LRRC45: variants seen among roughly 807,000 people sequenced by gnomAD.
The protein encoded by LRRC45 is leucine-rich repeat-containing protein 45.
Under a neutral mutation model 85.4 loss-of-function variants are expected in LRRC45, and 73 were observed. That is an observed-to-expected ratio of 0.85 (90% CI 0.71 to 1.04). LRRC45 has a LOEUF of 1.04. Ranked by LOEUF, LRRC45 falls within the 50% of genes least tolerant of loss-of-function variation. The pLI is 0.00. For missense variants in LRRC45, 937 were observed against 883.3 expected, an observed-to-expected ratio of 1.06 and a Z score of -0.77; for synonymous variants, 429 against 386.0, an observed-to-expected ratio of 1.11 and a Z score of -1.31.
Position 82,030,722 on chromosome 17 carries a change from GC to G in LRRC45, c.1933del (p.Gln645ArgfsTer19). ...GATCGCCCGCATCCGGGACGAGGAG[GC>G]CCAGAGGGCGAGCTTCCTGCAGAAC... ...AEIARIRDEE[A>X]QRASFLQNAV... On this transcript the variant is annotated frameshift_variant, in exon 17 of 17. Coordinates refer to ENST00000306688, the MANE Select transcript of LRRC45 (RefSeq NM_144999.4). LOFTEE classifies it high-confidence loss of function. 6.7e-7 allele frequency: 1 copy of G among 1,499,850 alleles called. No individual in the cohort carries two copies. Among genetic ancestry groups the G allele is most frequent in the Non-Finnish European group, 9.0e-7 (1 of 1,114,896 alleles). The allele number at this position is 1,499,850 out of a possible 1,614,324, so 92.9% of individuals were successfully genotyped here.
rs761573936 is a variant in LRRC45, at chr17:82,029,166, C to T, written c.1382C>T (p.Ala461Val). 1.4e-5 allele frequency: 23 copies of T among 1,611,122 alleles called. 1 individual carries two copies. The highest frequency in any genetic ancestry group is 3.5e-4 in the Middle Eastern group (2 of 5,728). Residue 461 changes from alanine to valine, a missense_variant, in exon 13 of 17, where the codon GCG becomes GTG. Physicochemically the swap from Ala to Val is moderately conservative, Grantham distance 64 (BLOSUM62 0). Transcript: ENST00000306688. ...GAGCGGGTGCAGAGGCTGGAGGCGG[C>T]GCGGCTGTCCCTGGAGGAGGTGAGT... ...MQERVQRLEA[A>V]RLSLEEELSR... is the part of the protein sequence containing the mutation.
chr17:82,026,969 C>T lies in LRRC45; in HGVS notation c.732C>T (p.Leu244=), dbSNP rs753981914. Residue 244 remains leucine, a synonymous_variant, in exon 6 of 17, where the codon CTC becomes CTT. Transcript: ENST00000306688. The stretch of plus-strand genomic sequence containing the variant: ...AGAACCAAGCCCGCACTCACGTCCT[C>T]AGCAAGGAGGTCCAGCACCTCCGGG... ...FQENQARTHV[L]SKEVQHLREE... 6.2e-7 allele frequency: 1 copy of T among 1,607,486 alleles called. No homozygotes were observed. Among genetic ancestry groups the T allele is most frequent in the Non-Finnish European group, 8.5e-7 (1 of 1,178,648 alleles).
chr17:82,030,701 G>T lies in LRRC45; in HGVS notation c.1909G>T (p.Ala637Ser), dbSNP rs375643032. ...GCTGCGGCTCCGGGAGGCGGAGATC[G>T]CCCGCATCCGGGACGAGGAGGCCCA... ...EKLRLREAEI[A>S]RIRDEEAQRA... The change falls in exon 17 of 17, where the codon GCC becomes TCC. Residue 637 changes from alanine to serine, a missense_variant. Coordinates refer to ENST00000306688, the MANE Select transcript of LRRC45 (RefSeq NM_144999.4). 12 of 1,495,152 alleles carry T rather than the reference G, an allele frequency of 8.0e-6. No homozygotes were observed. Among genetic ancestry groups the T allele is most frequent in the South Asian group, 1.3e-5 (1 of 76,352 alleles). 92.6% of individuals were successfully genotyped at this position (1,495,152 alleles called of 1,614,324 possible). A position where few individuals can be genotyped will look rare whatever the true frequency, so the allele number is the denominator to read the frequency against.
Position 82,025,058 on chromosome 17 carries a change from G to T in LRRC45, c.412G>T (p.Gly138Trp). The change falls in exon 4 of 17, where the codon GGG becomes TGG. Residue 138 changes from glycine (G) to tryptophan (W), a missense_variant. Physicochemically the swap from Gly to Trp is radical, Grantham distance 184. Coordinates refer to ENST00000306688, the MANE Select transcript of LRRC45 (RefSeq NM_144999.4). ...GGACGATGCCTTCGCCACCTTCTGCGGGGGCCTGGCGGCCAACGGCGCCCT... is the reference window on the plus strand; with the variant it reads ...GGACGATGCCTTCGCCACCTTCTGCTGGGGCCTGGCGGCCAACGGCGCCCT... ...TWDDAFATFC[G>W]GLAANGALQR... The T allele has an allele frequency of 6.2e-7, 1 of 1,608,872 alleles. No homozygotes were observed. The highest frequency in any genetic ancestry group is 8.5e-7 in the Non-Finnish European group (1 of 1,178,188).
chr17:82,024,358 T>C lies in LRRC45; in HGVS notation c.282+19T>C. 2 of 1,611,680 alleles carry C rather than the reference T, an allele frequency of 1.2e-6. No homozygotes were observed. The highest frequency in any genetic ancestry group is 8.5e-7 in the Non-Finnish European group (1 of 1,179,716). ...CTTAAAGGTGAGATACCTGCACTCT[T>C]GAGTGTCCGAGTGTGCCACCCAAGG... On this transcript the variant is annotated intron_variant, in intron 2 of 16. Transcript: ENST00000306688.
chr17:82,024,748 A>T lies in LRRC45; in HGVS notation c.338A>T (p.Asn113Ile), dbSNP rs2043352002. ...GCTCTGGGAAAACTCCTCCAACAGA[A>T]CAAGTCCATTCAGAGGTGGGTGGTG... ...AEALGKLLQQ[N>I]KSIQSLTLEW... The change falls in exon 3 of 17, where the codon AAC becomes ATC. Residue 113 changes from asparagine (N) to isoleucine (I), a missense_variant. Asn to Ile is a moderately radical substitution (Grantham distance 149). Transcript: ENST00000306688. The T allele has an allele frequency of 6.3e-7, 1 of 1,580,376 alleles. No individual in the cohort carries two copies. The highest frequency in any genetic ancestry group is 1.9e-5 in the Admixed American group (1 of 51,404).
At chr17:82,030,526 C>G (rs2043409636) in intron 16 of LRRC45, 60 bp downstream of exon 16, 3 of 1,512,618 alleles carry the variant, frequency 2.0e-6, no homozygotes, top group Non-Finnish European at 2.6e-6. Flanking sequence ...AGCCAGAGAG[C>G]GGGGCTGGCC....
rs774942112 is a variant in LRRC45 at position 82,030,770 on chromosome 17, G to T, written c.1978G>T (p.Ala660Ser). 6.9e-7 allele frequency: 1 copy of T among 1,439,258 alleles called. No homozygotes were observed. The highest frequency in any genetic ancestry group is 9.3e-7 in the Non-Finnish European group (1 of 1,080,064). The allele number at this position is 1,439,258 out of a possible 1,614,324, so 89.2% of individuals were successfully genotyped here. A position where few individuals can be genotyped will look rare whatever the true frequency, so the allele number is the denominator to read the frequency against. The change falls in exon 17 of 17, where the codon GCG (alanine) becomes TCG (serine). Residue 660 changes from alanine to serine, a missense_variant. By Grantham distance (99) the Ala-to-Ser change is moderately conservative (BLOSUM62 1). Transcript: ENST00000306688. The stretch of plus-strand genomic sequence containing the variant: ...GAACGCCGTCCTGGCTTACGTGCAG[G>T]CGTCCCCCGTGAGGACCCTGAGCCC... ...LQNAVLAYVQ[A>S]SPVRTLSPPK
At chr17:82,027,589 G>C (rs1299229111) in intron 7 of LRRC45, 85 bp from the exon 8 acceptor site, 18 of 1,541,464 alleles carry the variant, frequency 1.2e-5, no homozygotes, top group African/African-American at 2.7e-5. Flanking sequence ...GATGCTTAAG[G>C]AACAGCAGCA....
At position 82,023,450 on chromosome 17, in the gene LRRC45, A is replaced by C. The variant is rs1033477147; in HGVS notation, c.-194A>C. 1.2e-5 allele frequency: 7 copies of C among 571,546 alleles called. No homozygotes were observed. Among genetic ancestry groups the C allele is most frequent in the Non-Finnish European group, 2.1e-5 (7 of 329,460 alleles). 35.4% of individuals were successfully genotyped at this position (571,546 alleles called of 1,614,324 possible). On this transcript the variant is annotated 5_prime_UTR_variant, in exon 1 of 17. Coordinates refer to ENST00000306688, the MANE Select transcript of LRRC45 (RefSeq NM_144999.4). ...CCCAAGCACTGCGGGGCCCCAGCCC[A>C]AAGCGGACCTTGACTACCGCCCAGC...
Position 82,027,673 on chromosome 17 carries a change from G to A in LRRC45, c.834-1G>A. 6.2e-7 allele frequency: 1 copy of A among 1,609,702 alleles called. No individual in the cohort carries two copies. Among genetic ancestry groups the A allele is most frequent in the Non-Finnish European group, 8.5e-7 (1 of 1,178,548 alleles). ...CTCTGCACCCTCCTCTCTGCCCACA[G>A]GGCGTCGGCAGCCCGTGTAGGGCAG... On this transcript the variant is annotated splice_acceptor_variant, in intron 7 of 16. Coordinates refer to ENST00000306688, the MANE Select transcript of LRRC45 (RefSeq NM_144999.4). LOFTEE classifies it high-confidence loss of function.
Position 82,024,320 on chromosome 17 carries a change from T to C in LRRC45, c.263T>C (p.Leu88Pro). ...CGAGGCCTGTGTGCCAACACCGTGC[T>C]GCGCTTTCTGGACTTAAAGGTGAGA... The part of the protein sequence containing the change: ...LLRGLCANTV[L>P]RFLDLKGNNL... Residue 88 changes from leucine (L) to proline (P), a missense_variant, in exon 2 of 17, where the codon CTG (leucine) becomes CCG (proline). Coordinates refer to ENST00000306688, the MANE Select transcript of LRRC45 (RefSeq NM_144999.4). The C allele has an allele frequency of 1.9e-6, 3 of 1,612,456 alleles. No individual in the cohort carries two copies. Among genetic ancestry groups the C allele is most frequent in the Non-Finnish European group, 2.5e-6 (3 of 1,179,924 alleles).
rs372010624 is a variant in LRRC45, at chr17:82,029,616, G to A, written c.1475G>A (p.Ser492Asn). The change falls in exon 14 of 17, where the codon AGC (serine) becomes AAC (asparagine). Residue 492 changes from serine to asparagine, a missense_variant. Ser to Asn is a conservative substitution (Grantham distance 46). Coordinates refer to ENST00000306688, the MANE Select transcript of LRRC45 (RefSeq NM_144999.4). Reference sequence around the variant, plus strand: ...GAGGAGGAGCTGATCAAGGCCAAGAGCCAGGCCCGCCTGGAGGAGGTGAGC... The same window carrying A: ...GAGGAGGAGCTGATCAAGGCCAAGAACCAGGCCCGCCTGGAGGAGGTGAGC... Reference protein sequence around the residue: ...QAEEELIKAKSQARLEEQQRL... With the variant: ...QAEEELIKAKNQARLEEQQRL... 2 of 1,574,114 alleles carry A rather than the reference G, an allele frequency of 1.3e-6. No individual in the cohort carries two copies.
chr17:82,027,819 C>A, intron 8 of LRRC45, 68 bp downstream of exon 8: 1 of 1,568,186 alleles, frequency 6.4e-7, no homozygotes, highest in Non-Finnish European at 8.7e-7. Context: ...TGGTGTGAAC[C>A]TGTGTGCAAG....
chr17:82,029,091 A>C lies in LRRC45; in HGVS notation c.1309-2A>C, dbSNP rs1402973177. On this transcript the variant is annotated splice_acceptor_variant, in intron 12 of 16. Transcript: ENST00000306688. LOFTEE classifies it high-confidence loss of function. The stretch of plus-strand genomic sequence containing the variant: ...GGCCCCACAATCCCTGCCCCTGAGC[A>C]GGTGGAGCATATGACCCGTCACCTG... 6.2e-7 allele frequency: 1 copy of C among 1,612,070 alleles called. No individual in the cohort carries two copies. Among genetic ancestry groups the C allele is most frequent in the Non-Finnish European group, 8.5e-7 (1 of 1,179,716 alleles).
chr17:82,030,819 G>A lies in LRRC45; in HGVS notation c.*14G>A, dbSNP rs2043414512. On this transcript the variant is annotated 3_prime_UTR_variant, in exon 17 of 17. Coordinates refer to ENST00000306688, the MANE Select transcript of LRRC45 (RefSeq NM_144999.4). The stretch of plus-strand genomic sequence containing the variant: ...CCCCCAAAGTGAGACAGGCCGGGAG[G>A]ACCCGGGCGCAGTAGGAGTGCATCA... The A allele has an allele frequency of 2.2e-6, 3 of 1,334,666 alleles. No homozygotes were observed. The highest frequency in any genetic ancestry group is 2.9e-6 in the Non-Finnish European group (3 of 1,029,846). 82.7% of individuals were successfully genotyped at this position (1,334,666 alleles called of 1,614,324 possible).
In LRRC45 at chr17:82,025,494, C is replaced by T. The variant is rs2043360858; in HGVS notation, c.648C>T (p.Val216=). The T allele has an allele frequency of 1.2e-6, 2 of 1,605,798 alleles. No individual in the cohort carries two copies. Among genetic ancestry groups the T allele is most frequent in the South Asian group, 2.2e-5 (2 of 89,378 alleles). ...CTGGGAACAACATCCCTGGAGACGT[C>T]CTCAGAGCCGTGGGTACGGTGCAGG... The part of the protein sequence containing the change: ...DLAGNNIPGD[V]LRAVEQAMGH... The change falls in exon 5 of 17, where the codon GTC becomes GTT. Residue 216 remains valine, a synonymous_variant. Coordinates refer to ENST00000306688, the MANE Select transcript of LRRC45 (RefSeq NM_144999.4).
At chr17:82,029,660 T>G in intron 14 of LRRC45, 25 bp downstream of exon 14, 1 of 1,550,372 alleles carries the variant, frequency 6.5e-7, no homozygotes, top group Non-Finnish European at 8.7e-7. Context: ...TCCGCCACCC[T>G]CCGGGGGAGC....
intron 8 of LRRC45, 30 bp from the exon 9 acceptor site, chr17:82,027,981 G>T: frequency 6.3e-7 from 1 of 1,577,232 alleles, no homozygotes. Context: ...ACTCCAACCG[G>T]GGCGGGGGTG....
Sources: gnomAD v4.1 joint callset for allele counts on GRCh38, gnomAD v4.1.1 for gene constraint, MANE v1.5 for transcripts, NCBI Gene and HGNC (gene_info 2026-07-23, HGNC 2026-07-21) for gene names.